The following PRKCH variants were observed in gnomAD, a reference collection of about 807,000 sequenced individuals.
PRKCH encodes the protein protein kinase C eta.
Under a neutral mutation model 82.5 loss-of-function variants are expected in PRKCH, and 28 were observed. That is an observed-to-expected ratio of 0.34 (90% CI 0.25 to 0.47). PRKCH has a LOEUF of 0.47. Among genes scored for constraint, PRKCH ranks in the 20% least tolerant of loss-of-function variants. The pLI, the probability that PRKCH is intolerant of heterozygous loss-of-function variation, is 1.00. For synonymous variants in PRKCH, 322 were observed against 327.4 expected, an observed-to-expected ratio of 0.98 and a Z score of 0.18; for missense variants, 705 against 881.8, an observed-to-expected ratio of 0.80 and a Z score of 2.54.
At position 61,506,935 on chromosome 14, in the gene PRKCH, A is replaced by G. The variant is rs147226793; in HGVS notation, c.1433+21279A>G. 1.2e-3 allele frequency among the ~76,000 whole-genome samples: 180 copies of G among 152,298 alleles called. 1 individual carries two copies. The highest frequency in any genetic ancestry group is 4.0e-3 in the African/African-American group (168 of 41,530). On this transcript the variant is annotated intron_variant, in intron 10 of 13. Coordinates refer to ENST00000332981, the MANE Select transcript of PRKCH (RefSeq NM_006255.5). ...AAGCATAGCTGACAAAAGCAAAAAT[A>G]AGTGAGAGGGAGTACATCAAACTAA...
At chr14:61,528,550 A>G (rs965607269) in intron 10 of PRKCH, among the ~76,000 whole-genome samples, 1 of 152,142 alleles carries the variant, frequency 6.6e-6, no homozygotes, top group East Asian at 1.9e-4. Context: ...CCGCATAAAC[A>G]CAATCCCCGC....
intron 1 of PRKCH, among the ~76,000 whole-genome samples, chr14:61,288,485 G>A (rs938221614): frequency 2.6e-5 from 4 of 152,176 alleles, no homozygotes; most frequent in African/African-American, 9.7e-5. Flanking sequence ...TATGTCATGT[G>A]TGCTGATCAA....
intron 2 of PRKCH, among the ~76,000 whole-genome samples, chr14:61,402,638 T>C (rs1881694442): frequency 6.6e-6 from 1 of 151,380 alleles, no homozygotes; most frequent in African/African-American, 2.4e-5. Flanking sequence ...CTACTAAAAA[T>C]ACAAAAAAAA....
chr14:61,494,414 G>T (rs970467593), intron 10 of PRKCH, among the ~76,000 whole-genome samples: 2 of 152,214 alleles, frequency 1.3e-5, no homozygotes, highest in African/African-American at 4.8e-5. Flanking sequence ...TTACTTTAGA[G>T]TATGTGTGTG....
intron 1 of PRKCH, among the ~76,000 whole-genome samples, chr14:61,265,008 G>A (rs1460431372): frequency 2.6e-5 from 4 of 152,170 alleles, no homozygotes; most frequent in African/African-American, 9.7e-5. Context: ...TCCCTACCAC[G>A]TGTTGAGGAC....
At chr14:61,430,956 A>C (rs1400817393) in intron 2 of PRKCH, among the ~76,000 whole-genome samples, 1 of 152,148 alleles carries the variant, frequency 6.6e-6, no homozygotes, top group Non-Finnish European at 1.5e-5. Flanking sequence ...GGGTTTCGCC[A>C]TGTTGGCCAG....
chr14:61,225,398 G>T (rs1028320225), intron 1 of PRKCH, among the ~76,000 whole-genome samples: 2 of 152,202 alleles, frequency 1.3e-5, no homozygotes, highest in South Asian at 2.1e-4. Context: ...GACAGTGTGA[G>T]GCCTGGGCTG....
intron 10 of PRKCH, among the ~76,000 whole-genome samples, chr14:61,523,120 A>G (rs1566927364): frequency 6.6e-6 from 1 of 152,006 alleles, no homozygotes; most frequent in South Asian, 2.1e-4. Flanking sequence ...ACTTACCTAC[A>G]TGCTAGTTCC....
chr14:61,198,052 T>C lies in PRKCH; in HGVS notation c.-19+10384T>C, dbSNP rs897944200. The stretch of plus-strand genomic sequence containing the variant: ...GTAAAATACATCCTGCAAATATTTT[T>C]ATTTTTCTGAATTGATCCTTAAAAA... On this transcript the variant is annotated intron_variant, in intron 1 of 3. Coordinates refer to the PRKCH transcript ENST00000555185. 2.0e-5 allele frequency among the ~76,000 whole-genome samples: 3 copies of C among 147,472 alleles called. No individual in the cohort carries two copies. The Admixed American group carries it at 2.0e-4, about 10-fold the overall frequency.
At chr14:61,245,805 A>C (rs1352975725) in intron 1 of PRKCH, among the ~76,000 whole-genome samples, 2 of 152,214 alleles carry the variant, frequency 1.3e-5, no homozygotes, top group African/African-American at 4.8e-5. Context: ...TCCAAAACCT[A>C]GTAGGTGTGA....
At chr14:61,380,698 A>C (rs903141076) in intron 1 of PRKCH, among the ~76,000 whole-genome samples, 9 of 152,212 alleles carry the variant, frequency 5.9e-5, no homozygotes, top group African/African-American at 2.2e-4. Context: ...CATTTAATTT[A>C]CATTTTCGAT....
chr14:61,466,038 G>C (rs1018402064), intron 9 of PRKCH, among the ~76,000 whole-genome samples: 1 of 152,186 alleles, frequency 6.6e-6, no homozygotes, highest in Admixed American at 6.5e-5. Context: ...CAGAGGTTAT[G>C]ATGATGAACA....
At chr14:61,192,781 G>A (rs2044414993) in intron 1 of PRKCH, among the ~76,000 whole-genome samples, 1 of 152,200 alleles carries the variant, frequency 6.6e-6, no homozygotes, top group South Asian at 2.1e-4. Flanking sequence ...TGGGTTTGGG[G>A]CCACACTTTG....
At chr14:61,344,499 C>G (rs1241189790) in intron 1 of PRKCH, 1 of 152,160 alleles carries the variant, frequency 6.6e-6, no homozygotes, top group African/African-American at 2.4e-5. Context: ...TAATGTGTCT[C>G]AGTAACTTAC....
At position 61,247,710 on chromosome 14, in the gene PRKCH, TGAGA is replaced by T. The variant is rs543012734; in HGVS notation, c.-19+60045_-19+60048del. Among the ~76,000 whole-genome samples the T allele has an allele frequency of 3.0e-4, 35 of 115,260 alleles. No homozygotes were observed. In the East Asian group the frequency reaches 8.4e-3, roughly 28 times the overall value. 75.6% of individuals were successfully genotyped at this position (115,260 alleles called of 152,430 possible). A position where few individuals can be genotyped will look rare whatever the true frequency, so the allele number is the denominator to read the frequency against. On this transcript the variant is annotated intron_variant, in intron 1 of 3. Transcript: ENST00000555185. ...GAGATTGCACCACTGCATTCCAGCT[TGAGA>T]GACAGAGTGAGACTCCATCTCAAAA...
intron 10 of PRKCH, among the ~76,000 whole-genome samples, chr14:61,520,437 A>G (rs1288461503): frequency 6.6e-6 from 1 of 152,230 alleles, no homozygotes; most frequent in Non-Finnish European, 1.5e-5. Context: ...TGTGAAGGAA[A>G]GATTGATAAC....
At chr14:61,449,098 C>T in intron 4 of PRKCH, 66 bp from the exon 5 acceptor site, 1 of 1,475,830 alleles carries the variant, frequency 6.8e-7, no homozygotes, top group Non-Finnish European at 9.5e-7. Context: ...CCCTGGTTGA[C>T]TCTGCTGTAA....
At chr14:61,527,265 C>T (rs969912759) in intron 10 of PRKCH, among the ~76,000 whole-genome samples, 23 of 37,084 alleles carry the variant, frequency 6.2e-4, no homozygotes, top group South Asian at 5.0e-3. Flanking sequence ...TGCTTTCAAC[C>T]AGTCTCCATA....
At chr14:61,419,180 C>G (rs79674428) in intron 2 of PRKCH, among the ~76,000 whole-genome samples, 2 of 152,200 alleles carry the variant, frequency 1.3e-5, no homozygotes, top group East Asian at 3.8e-4. Context: ...AAGCAAATGT[C>G]TGATGTGAAA....
Sources: gnomAD v4.1 joint callset for allele counts (sites outside exome capture counted in the v4.1 genomes callset) on GRCh38, gnomAD v4.1.1 for gene constraint, MANE v1.5 for transcripts, NCBI Gene and HGNC (gene_info 2026-07-23, HGNC 2026-07-21) for gene names.